The following KIF22 variants were observed in gnomAD, a reference collection of about 807,000 sequenced individuals.
KIF22 encodes the protein kinesin family member 22.
Under a neutral mutation model 73.0 loss-of-function variants are expected in KIF22, and 62 were observed. The ratio of observed to expected loss-of-function variants is 0.85; its 90% CI spans 0.69 to 1.05. KIF22 has a LOEUF of 1.05. Among genes scored for constraint, KIF22 ranks in the 50% least tolerant of loss-of-function variants. The probability of loss-of-function intolerance (pLI) is 0.00; values close to 1 mark genes in which losing one functional copy is unlikely to be tolerated. For missense variants in KIF22, 854 were observed against 870.1 expected, an observed-to-expected ratio of 0.98 and a Z score of 0.23; for synonymous variants, 411 against 340.1, an observed-to-expected ratio of 1.21 and a Z score of -2.29.
At position 29,799,395 on chromosome 16, in the gene KIF22, C is replaced by G; in HGVS notation, c.891C>G (p.Ile297Met). The G allele has an allele frequency of 6.2e-7, 1 of 1,614,248 alleles. No homozygotes were observed. The highest frequency in any genetic ancestry group is 8.5e-7 in the Non-Finnish European group (1 of 1,180,048). ...KGLRLKESGAINTSLFVLGKV... is the reference protein window; with the variant it reads ...KGLRLKESGAMNTSLFVLGKV... ...TTCGGCTAAAAGAGAGTGGAGCCAT[C>G]AACACCTCCCTGTTTGTCCTGGGCA... is the stretch of plus-strand genomic sequence containing the variant. The change falls in exon 6 of 14, where the codon ATC (isoleucine) becomes ATG (methionine). Residue 297 changes from isoleucine (I) to methionine (M), a missense_variant. Ile to Met is a conservative substitution (Grantham distance 10). Coordinates refer to ENST00000160827, the MANE Select transcript of KIF22 (RefSeq NM_007317.3).
chr16:29,804,692 A>C (rs1008820521), intron 11 of KIF22, 122 bp from the exon 12 acceptor site: 14 of 796,728 alleles, frequency 1.8e-5, no homozygotes, highest in Middle Eastern at 4.4e-4. Context: ...TTTTGGACAC[A>C]CTTGACAAGA....
At chr16:29,800,149 T>G in intron 8 of KIF22, 101 bp downstream of exon 8, 1 of 1,364,588 alleles carries the variant, frequency 7.3e-7, no homozygotes, top group Non-Finnish European at 9.8e-7. Context: ...GTGATCTTGT[T>G]CCTCTCCCAT....
intron 1 of KIF22, among the ~76,000 whole-genome samples, chr16:29,795,495 C>A (rs2142367974): frequency 6.6e-6 from 1 of 152,160 alleles, no homozygotes; most frequent in East Asian, 1.9e-4. Context: ...CTGCTACCAC[C>A]AGCAAGGAAG....
intron 1 of KIF22, among the ~76,000 whole-genome samples, chr16:29,796,232 C>T (rs547212793): frequency 1.4e-5 from 2 of 143,984 alleles, no homozygotes; most frequent in East Asian, 4.1e-4. Context: ...GATCATGCCA[C>T]TGCACTCCAG....
intron 8 of KIF22, among the ~76,000 whole-genome samples, chr16:29,800,775 A>G (rs958470291): frequency 2.0e-5 from 3 of 152,188 alleles, no homozygotes; most frequent in African/African-American, 7.2e-5. Context: ...CAATAAATAA[A>G]TAAGTAAATA....
chr16:29,805,185 G>C lies in KIF22; in HGVS notation c.1950+11G>C, dbSNP rs1487621450. ...GAGTCCTTCCTGAAGGTGAAGTCAC[G>C]GCCCTGCCCCTCCTCTGCCTGTCCT... On this transcript the variant is annotated intron_variant, in intron 13 of 13. Coordinates refer to ENST00000160827, the MANE Select transcript of KIF22 (RefSeq NM_007317.3). 16 of 1,614,002 alleles carry C rather than the reference G, an allele frequency of 9.9e-6. No homozygotes were observed. The highest frequency in any genetic ancestry group is 1.2e-5 in the Non-Finnish European group (14 of 1,180,016).
chr16:29,799,004 A>C lies in KIF22; in HGVS notation c.579A>C (p.Gly193=), dbSNP rs11545428. The change falls in exon 5 of 14, where the codon GGA becomes GGC. Residue 193 remains glycine (G), a synonymous_variant. Coordinates refer to ENST00000160827, the MANE Select transcript of KIF22 (RefSeq NM_007317.3). ...TAGACCTCCTGGACCCTGCTTCGGGAGACCTGGTAATCCGAGAAGACTGCC... is the reference window on the plus strand; with the variant it reads ...TAGACCTCCTGGACCCTGCTTCGGGCGACCTGGTAATCCGAGAAGACTGCC... ...KVLDLLDPAS[G]DLVIREDCRG... is the part of the protein sequence containing the mutation. 7 of 1,614,166 alleles carry C rather than the reference A, an allele frequency of 4.3e-6. No homozygotes were observed. The African/African-American group carries it at 8.0e-5, about 18-fold the overall frequency.
At position 29,798,303 on chromosome 16, in the gene KIF22, CT is replaced by C; in HGVS notation, c.267-70del. On this transcript the variant is annotated intron_variant, in intron 2 of 13. Coordinates refer to ENST00000160827, the MANE Select transcript of KIF22 (RefSeq NM_007317.3). The surrounding 1 kb of genome is among the most constrained non-coding windows in gnomAD (Gnocchi z 4.1). The stretch of plus-strand genomic sequence containing the variant: ...GAATCCCTTACCCACCCCCACCCCA[CT>C]CCACCCCTTACACACACACACACAC... 7.1e-7 allele frequency: 1 copy of C among 1,402,066 alleles called. No homozygotes were observed. The highest frequency in any genetic ancestry group is 2.0e-5 in the Admixed American group (1 of 49,562). The allele number at this position is 1,402,066 out of a possible 1,614,324, so 86.9% of individuals were successfully genotyped here.
Position 29,790,758 on chromosome 16 carries a change from G to A in KIF22, c.-2G>A. 6.3e-7 allele frequency: 1 copy of A among 1,592,762 alleles called. No homozygotes were observed. Among genetic ancestry groups the A allele is most frequent in the Non-Finnish European group, 8.6e-7 (1 of 1,169,440 alleles). On this transcript the variant is annotated 5_prime_UTR_variant, in exon 1 of 14. Coordinates refer to ENST00000160827, the MANE Select transcript of KIF22 (RefSeq NM_007317.3). ...GAGAGGCGGGCCCAAGGAGGGAGTGGAATGGCCGCGGGCGGCTCGACGCAG... is the reference window on the plus strand; with the variant it reads ...GAGAGGCGGGCCCAAGGAGGGAGTGAAATGGCCGCGGGCGGCTCGACGCAG...
intron 7 of KIF22, 32 bp from the exon 8 acceptor site, chr16:29,799,881 C>T: frequency 6.2e-7 from 1 of 1,613,040 alleles, no homozygotes; most frequent in South Asian, 1.1e-5. Flanking sequence ...CACCCCCAAT[C>T]CCTCTCTCCA....
At position 29,805,163 on chromosome 16, in the gene KIF22, T is replaced by A; in HGVS notation, c.1939T>A (p.Ser647Thr). Residue 647 changes from serine to threonine, a missense_variant, in exon 13 of 14, where the codon TCC (serine) becomes ACC (threonine). This residue lies in a region of KIF22 where 423 missense variants were observed against 365.4 expected (regional missense o/e 1.16). Coordinates refer to ENST00000160827, the MANE Select transcript of KIF22 (RefSeq NM_007317.3). Reference protein sequence around the residue: ...VEGITGKQMESFLKANILGLA... With the variant: ...VEGITGKQMETFLKANILGLA... Reference sequence around the variant, plus strand: ...GGGCATAACGGGGAAACAGATGGAGTCCTTCCTGAAGGTGAAGTCACGGCC... The same window carrying A: ...GGGCATAACGGGGAAACAGATGGAGACCTTCCTGAAGGTGAAGTCACGGCC... The A allele has an allele frequency of 6.2e-7, 1 of 1,613,254 alleles. No individual in the cohort carries two copies. The highest frequency in any genetic ancestry group is 8.5e-7 in the Non-Finnish European group (1 of 1,179,930).
chr16:29,790,877 A>G, intron 1 of KIF22, 48 bp downstream of exon 1: 1 of 1,566,116 alleles, frequency 6.4e-7, no homozygotes, highest in Non-Finnish European at 8.7e-7. Context: ...TCTGGAGTTT[A>G]GTGGGAGTTA....
intron 1 of KIF22, among the ~76,000 whole-genome samples, chr16:29,796,285 A>AAAC (rs1491410153): frequency 6.5e-5 from 8 of 122,530 alleles, no homozygotes; most frequent in Middle Eastern, 4.2e-3. Flanking sequence ...AAAAAAAAAA[A>AAAC]CACACACACA....
At chr16:29,805,050 A>AGGGCGG (rs769936877) in intron 12 of KIF22, 24 bp downstream of exon 12, 27 of 730,378 alleles carry the variant, frequency 3.7e-5, no homozygotes, top group South Asian at 2.8e-4. Context: ...GGACTGGGGG[A>AGGGCGG]GGGCGGGGGC....
intron 11 of KIF22, 80 bp from the exon 12 acceptor site, chr16:29,804,734 G>A (rs1899291735): frequency 2.6e-6 from 3 of 1,143,506 alleles, no homozygotes; most frequent in Non-Finnish European, 2.5e-6. Context: ...GAGGTAGCTG[G>A]TGCTGGGCTC....
In KIF22 at chr16:29,802,877, C is replaced by T; in HGVS notation, c.1389C>T (p.Thr463=). Residue 463 remains threonine, a synonymous_variant, in exon 9 of 14, where the codon ACC becomes ACT. Transcript: ENST00000160827. ...QGSQGAPLLS[T]PKRERMVLMK... is the part of the protein sequence containing the mutation. ...GCCAGGGGGCCCCTCTGTTGAGTAC[C>T]CCAAAGCGAGAGCGGATGGTGCTAA... 3 of 1,612,186 alleles carry T rather than the reference C, an allele frequency of 1.9e-6. No homozygotes were observed. The highest frequency in any genetic ancestry group is 2.5e-6 in the Non-Finnish European group (3 of 1,179,314).
intron 1 of KIF22, among the ~76,000 whole-genome samples, chr16:29,793,816 G>A (rs527304997): frequency 6.6e-6 from 1 of 152,284 alleles, no homozygotes; most frequent in African/African-American, 2.4e-5. Flanking sequence ...CTAGGATGAG[G>A]AGTGAACAGA....
At chr16:29,802,036 G>A (rs1899153941) in intron 8 of KIF22, among the ~76,000 whole-genome samples, 1 of 152,038 alleles carries the variant, frequency 6.6e-6, no homozygotes, top group Non-Finnish European at 1.5e-5. Flanking sequence ...GGAGGCCAAG[G>A]TGGGTGGATC....
At chr16:29,799,230 G>C (rs369142316) in intron 5 of KIF22, 34 bp from the exon 6 acceptor site, 47 of 1,611,102 alleles carry the variant, frequency 2.9e-5, no homozygotes, top group Non-Finnish European at 3.2e-5. Flanking sequence ...CCAGGAGCCT[G>C]AGCTAAGCAC....
Sources: allele counts gnomAD v4.1 joint callset (sites outside exome capture counted in the v4.1 genomes callset), GRCh38; gene constraint gnomAD v4.1.1; regional missense constraint gnomAD v4.1.1; non-coding constraint Gnocchi (gnomAD v3.1); transcripts MANE v1.5; gene names NCBI Gene and HGNC (gene_info 2026-07-23, HGNC 2026-07-21).